Variants in DNMT1 observed in about 807,000 individuals in gnomAD.
The protein encoded by DNMT1 is DNA (cytosine-5)-methyltransferase 1.
DNMT1 carries 24 observed loss-of-function variants against 205.3 expected under a neutral mutation model. The observed-to-expected ratio is 0.12, with a 90% CI of 0.08 to 0.16. DNMT1 has a LOEUF of 0.16. Among genes scored for constraint, DNMT1 ranks in the 10% least tolerant of loss-of-function variants. The pLI, the probability that DNMT1 is intolerant of heterozygous loss-of-function variation, is 1.00. For missense variants in DNMT1, 1,293 were observed against 2,177.7 expected (o/e 0.59, Z 8.09); for synonymous variants, 817 against 839.8 (o/e 0.97, Z 0.47).
At chr19:10,143,308 G>A (rs1413408402) in intron 29 of DNMT1, among the ~76,000 whole-genome samples, 1 of 152,070 alleles carries the variant, frequency 6.6e-6, no homozygotes, top group Admixed American at 6.6e-5. Flanking sequence ...TCAAATTCCT[G>A]GGTTTCAGTG....
At chr19:10,173,841 CAAAA>C in intron 8 of DNMT1, 26 bp downstream of exon 8, 1 of 1,612,762 alleles carries the variant, frequency 6.2e-7, no homozygotes, top group African/African-American at 1.3e-5. Context: ...ACTCGTAGAA[CAAAA>C]AGAAAGGTAT....
Position 10,146,419 on chromosome 19 carries a change from G to A in DNMT1, c.2826C>T (p.Ala942=), listed in dbSNP as rs1290736748. 2 of 1,614,004 alleles carry A rather than the reference G, an allele frequency of 1.2e-6. No individual in the cohort carries two copies. Among genetic ancestry groups the A allele is most frequent in the African/African-American group, 1.3e-5 (1 of 74,912 alleles). The change falls in exon 28 of 41, where the codon GCC becomes GCT. Residue 942 remains alanine (A), a synonymous_variant. Transcript: ENST00000359526. The surrounding 1 kb of genome is among the most constrained non-coding windows in gnomAD (Gnocchi z 4.4). ...CTCGGTACAGGATGCCGTTCTTGGT[G>A]GCTGAGTAGTAGAGGACCCGGCTAT... ...DLDSRVLYYS[A]TKNGILYRVG...
At chr19:10,152,133 C>A (rs569228684) in intron 22 of DNMT1, among the ~76,000 whole-genome samples, 6 of 109,330 alleles carry the variant, frequency 5.5e-5, no homozygotes, top group African/African-American at 2.3e-4. Flanking sequence ...ATATTCCAGC[C>A]TGGACGACAA....
chr19:10,154,524 G>A lies in DNMT1; in HGVS notation c.1833-45C>T, dbSNP rs772988948. ...ATCTCAGAGGACTGGGACAGAGGAT[G>A]TGGGCCATGCTCTACCCTCCCCGGT... On this transcript the variant is annotated intron_variant, in intron 21 of 40. Transcript: ENST00000359526. The surrounding 1 kb of genome is among the most constrained non-coding windows in gnomAD (Gnocchi z 6.3). 6.2e-7 allele frequency: 1 copy of A among 1,614,148 alleles called. No individual in the cohort carries two copies. Among genetic ancestry groups the A allele is most frequent in the South Asian group, 1.1e-5 (1 of 91,078 alleles).
chr19:10,175,548 T>C lies in DNMT1; in HGVS notation c.640A>G (p.Lys214Glu). Residue 214 changes from lysine (K) to glutamate (E), a missense_variant, in exon 7 of 41, where the codon AAA (lysine) becomes GAA (glutamate). Transcript: ENST00000359526. ...GAAAGCACTGGCCCTACCTGGTCTTTGTCTTCTTCCTTGATGGACTCATCC... is the reference window on the plus strand; with the variant it reads ...GAAAGCACTGGCCCTACCTGGTCTTCGTCTTCTTCCTTGATGGACTCATCC... ...KSDESIKEED[K>E]DQDEKRRRVT... 6.2e-7 allele frequency: 1 copy of C among 1,614,126 alleles called. No individual in the cohort carries two copies.
rs1380076613 is a variant in DNMT1, at chr19:10,180,183, A to G, written c.493+4T>C. 2 of 794,478 alleles carry G rather than the reference A, an allele frequency of 2.5e-6. No homozygotes were observed. Among genetic ancestry groups the G allele is most frequent in the South Asian group, 3.0e-5 (2 of 65,656 alleles). The allele number at this position is 794,478 out of a possible 1,614,324, so 49.2% of individuals were successfully genotyped here. On this transcript the variant is annotated splice_donor_region_variant and intron_variant, in intron 5 of 40. Coordinates refer to ENST00000359526, the MANE Select transcript of DNMT1 (RefSeq NM_001130823.3). The stretch of plus-strand genomic sequence containing the variant: ...AAAAATTAGCTGGGTGTGGTGGCAC[A>G]TACCTCTAATCCCAGTTACTTGGGA...
chr19:10,192,180 G>T (rs933770035), intron 1 of DNMT1, among the ~76,000 whole-genome samples: 1 of 151,730 alleles, frequency 6.6e-6, no homozygotes, highest in Non-Finnish European at 1.5e-5. Context: ...CAGCCACTCA[G>T]GAGGCTAAGG....
chr19:10,162,572 C>T (rs936537571), intron 13 of DNMT1, 95 bp downstream of exon 13: 1 of 1,377,958 alleles, frequency 7.3e-7, no homozygotes, highest in East Asian at 2.4e-5. Flanking sequence ...GCCCAGTCTT[C>T]TTTTTCCTAA....
intron 1 of DNMT1, among the ~76,000 whole-genome samples, chr19:10,182,529 ATG>A (rs1296539393): frequency 1.4e-5 from 2 of 146,122 alleles, no homozygotes; most frequent in African/African-American, 5.1e-5. Context: ...ATATGTGTAT[ATG>A]TGTATATATA....
At chr19:10,153,338 A>T (rs2038388154) in intron 22 of DNMT1, among the ~76,000 whole-genome samples, 2 of 152,256 alleles carry the variant, frequency 1.3e-5, no homozygotes, top group Non-Finnish European at 2.9e-5. Flanking sequence ...ACAAATAAAA[A>T]CAAATGATTT....
At chr19:10,187,329 C>T (rs150435986) in intron 1 of DNMT1, among the ~76,000 whole-genome samples, 2 of 152,098 alleles carry the variant, frequency 1.3e-5, no homozygotes, top group African/African-American at 2.4e-5. Flanking sequence ...CATGGCTGGG[C>T]GCAGTGGCTC....
intron 17 of DNMT1, among the ~76,000 whole-genome samples, chr19:10,158,667 G>T (rs945733970): frequency 4.6e-5 from 7 of 152,210 alleles, no homozygotes; most frequent in African/African-American, 7.2e-5. Context: ...GAGCCTCGGT[G>T]AAGGTACGGG....
At chr19:10,169,855 C>T (rs2038776562) in intron 9 of DNMT1, among the ~76,000 whole-genome samples, 1 of 152,194 alleles carries the variant, frequency 6.6e-6, no homozygotes, top group African/African-American at 2.4e-5. Flanking sequence ...TTCGATCTTG[C>T]CCCAGGTTCC....
At chr19:10,186,496 C>A (rs538600445) in intron 1 of DNMT1, among the ~76,000 whole-genome samples, 55 of 152,182 alleles carry the variant, frequency 3.6e-4, no homozygotes, top group Middle Eastern at 3.4e-3. Flanking sequence ...TGATTCCTTC[C>A]TAGTGCTTCC....
Position 10,166,610 on chromosome 19 carries a change from A to G in DNMT1, c.879T>C (p.Asp293=). 1.2e-6 allele frequency: 2 copies of G among 1,614,158 alleles called. No homozygotes were observed. The highest frequency in any genetic ancestry group is 1.7e-6 in the Non-Finnish European group (2 of 1,180,002). The change falls in exon 11 of 41, where the codon GAT becomes GAC. Residue 293 remains aspartate (D), a synonymous_variant. Transcript: ENST00000359526. Reference sequence around the variant, plus strand: ...AACCCGCCTTTACTTTCTCGTCTCCATCTTCGTCCTCGTCAGCCTGCACGC... The same window carrying G: ...AACCCGCCTTTACTTTCTCGTCTCCGTCTTCGTCCTCGTCAGCCTGCACGC... ...RAGVQADEDE[D]GDEKDEKKHR...
Position 10,190,795 on chromosome 19 carries a change from TAAAATAAAATAA to T in DNMT1, c.80+4013_80+4024del, listed in dbSNP as rs1206393621. Reference sequence around the variant, plus strand: ...TAAAATAAAATAAAATAAAATAAAATAAAATAAAATAAAATAAAATAAAATAAAAACAATGAA... The same window carrying T: ...TAAAATAAAATAAAATAAAATAAAATAATAAAATAAAATAAAAACAATGAA... On this transcript the variant is annotated intron_variant, in intron 1 of 40. Transcript: ENST00000359526. 6.3e-5 allele frequency among the ~76,000 whole-genome samples: 7 copies of T among 111,546 alleles called. No homozygotes were observed. The South Asian group carries it at 1.0e-3, about 16-fold the overall frequency. The allele number at this position is 111,546 out of a possible 152,430, so 73.2% of individuals were successfully genotyped here.
At chr19:10,161,830 C>T (rs2038576501) in intron 13 of DNMT1, among the ~76,000 whole-genome samples, 1 of 151,938 alleles carries the variant, frequency 6.6e-6, no homozygotes, top group African/African-American at 2.4e-5. Context: ...CCAATAAGAC[C>T]AATGTCCTTG....
At chr19:10,188,720 A>G (rs1277211046) in intron 1 of DNMT1, among the ~76,000 whole-genome samples, 1 of 152,220 alleles carries the variant, frequency 6.6e-6, no homozygotes, top group African/African-American at 2.4e-5. Context: ...TTAAGAACAC[A>G]GAACCTTTCT....
chr19:10,140,885 G>C lies in DNMT1; in HGVS notation c.3419C>G (p.Ala1140Gly). The C allele has an allele frequency of 6.2e-7, 1 of 1,614,128 alleles. No individual in the cohort carries two copies. ...GKGKGKPKSQACEPSEPEIEI... is the reference protein window; with the variant it reads ...GKGKGKPKSQGCEPSEPEIEI... ...TATCTCTGGCTCGCTCGGCTCACAG[G>C]CTTGGGACTTGGGCTTGCCCTTCCC... The change falls in exon 32 of 41, where the codon GCC becomes GGC. Residue 1140 changes from alanine (A) to glycine (G), a missense_variant. Coordinates refer to ENST00000359526, the MANE Select transcript of DNMT1 (RefSeq NM_001130823.3). This position sits in a 1 kb window ranked among gnomAD's most constrained non-coding sequence, Gnocchi z 8.4.
Sources: allele counts gnomAD v4.1 joint callset (sites outside exome capture counted in the v4.1 genomes callset), GRCh38; gene constraint gnomAD v4.1.1; non-coding constraint Gnocchi (gnomAD v3.1); transcripts MANE v1.5; gene names NCBI Gene and HGNC (gene_info 2026-07-23, HGNC 2026-07-21).